Variants in LY86 observed in about 807,000 individuals in gnomAD.
The protein encoded by LY86 is MD-1, RP105-associated.
Under a neutral mutation model 17.3 loss-of-function variants are expected in LY86, and 20 were observed. The observed-to-expected ratio is 1.15, with a 90% CI of 0.81 to 1.68. The LOEUF is 1.68. Ranked by LOEUF, LY86 falls within the 40% of genes most tolerant of loss-of-function variation. The probability of loss-of-function intolerance (pLI) is 0.00; values close to 1 mark genes in which losing one functional copy is unlikely to be tolerated. For synonymous variants in LY86, 74 were observed against 70.6 expected (o/e 1.05, Z -0.24); for missense variants, 200 against 191.9 (o/e 1.04, Z -0.25).
chr6:6,629,139 G>A (rs1761855238), intron 3 of LY86, among the ~76,000 whole-genome samples: 1 of 152,186 alleles, frequency 6.6e-6, no homozygotes, highest in Non-Finnish European at 1.5e-5. Flanking sequence ...TATTGCAATG[G>A]GAGTGATGAC....
At chr6:6,612,363 A>T (rs140216933) in intron 1 of LY86, among the ~76,000 whole-genome samples, 1 of 152,338 alleles carries the variant, frequency 6.6e-6, no homozygotes, top group African/African-American at 2.4e-5. Flanking sequence ...TTAAGGTGAT[A>T]CATTTGGAGT....
intron 3 of LY86, among the ~76,000 whole-genome samples, chr6:6,628,099 C>G (rs1761827606): frequency 6.6e-6 from 1 of 151,972 alleles, no homozygotes; most frequent in Non-Finnish European, 1.5e-5. Context: ...TCTCAACTTA[C>G]TGGAGACATT....
chr6:6,648,621 G>C (rs1035182086), intron 3 of LY86, among the ~76,000 whole-genome samples: 3 of 152,148 alleles, frequency 2.0e-5, no homozygotes, highest in African/African-American at 7.2e-5. Flanking sequence ...TGTGGAACAT[G>C]GTGCCTCCCA....
intron 1 of LY86, among the ~76,000 whole-genome samples, chr6:6,616,923 T>C (rs1289114505): frequency 6.6e-6 from 1 of 152,202 alleles, no homozygotes; most frequent in Non-Finnish European, 1.5e-5. Flanking sequence ...TGTATCCTGG[T>C]TGTGTGAGTG....
At chr6:6,638,341 T>A (rs1281092280) in intron 3 of LY86, among the ~76,000 whole-genome samples, 1 of 152,274 alleles carries the variant, frequency 6.6e-6, no homozygotes, top group Non-Finnish European at 1.5e-5. Context: ...ACTTATTTCC[T>A]CTTCCTTTTT....
chr6:6,609,297 TAA>T (rs1316924007), intron 1 of LY86, among the ~76,000 whole-genome samples: 4 of 152,148 alleles, frequency 2.6e-5, no homozygotes, highest in Admixed American at 6.5e-5. Context: ...CTCATTGACA[TAA>T]GAGATGCAGA....
chr6:6,653,705 C>T (rs1226656914), intron 4 of LY86, among the ~76,000 whole-genome samples: 8 of 152,236 alleles, frequency 5.3e-5, no homozygotes, highest in African/African-American at 1.9e-4. Flanking sequence ...GGGGTCTTCT[C>T]TGTCTGAGCA....
Position 6,640,755 on chromosome 6 carries a change from G to T in LY86, c.353-8870G>T, listed in dbSNP as rs529092482. 4.6e-5 allele frequency among the ~76,000 whole-genome samples: 7 copies of T among 151,964 alleles called. No individual in the cohort carries two copies. The South Asian group carries it at 6.2e-4, about 14-fold the overall frequency. On this transcript the variant is annotated intron_variant, in intron 3 of 4. Coordinates refer to ENST00000230568, the MANE Select transcript of LY86 (RefSeq NM_004271.4). ...AAAAAAAAAAGAAAAAGAAAAGGAG[G>T]GTAGAGATGAGTATATCTCTGAATC...
chr6:6,648,103 C>G (rs10458190), intron 3 of LY86, among the ~76,000 whole-genome samples: 83,254 of 151,552 alleles, frequency 0.55, 22,984 homozygotes, highest in South Asian at 0.69. Context: ...ACTCTCTATA[C>G]CCACTCATCA....
chr6:6,590,028 G>A (rs1015220670), intron 1 of LY86, among the ~76,000 whole-genome samples: 2 of 145,282 alleles, frequency 1.4e-5, no homozygotes, highest in African/African-American at 5.0e-5. Flanking sequence ...GGCTGAGGCA[G>A]AATTGCTTGA....
chr6:6,624,985 A>G lies in LY86; in HGVS notation c.196A>G (p.Ile66Val), dbSNP rs1227228711. Reference sequence around the variant, plus strand: ...GTGTTCCAAGCAATTAAAATCAAATATCAACATTAGATTTGGAATTATTCT... The same window carrying G: ...GTGTTCCAAGCAATTAAAATCAAATGTCAACATTAGATTTGGAATTATTCT... ...EKCSKQLKSN[I>V]NIRFGIILRE... The change falls in exon 2 of 5, where the codon ATC becomes GTC. Residue 66 changes from isoleucine to valine, a missense_variant. Ile to Val is a conservative substitution (Grantham distance 29, BLOSUM62 3). Coordinates refer to ENST00000230568, the MANE Select transcript of LY86 (RefSeq NM_004271.4). 1.3e-6 allele frequency: 2 copies of G among 1,541,734 alleles called. No homozygotes were observed. Among genetic ancestry groups the G allele is most frequent in the East Asian group, 2.3e-5 (1 of 44,230 alleles).
intron 1 of LY86, among the ~76,000 whole-genome samples, chr6:6,606,471 G>C (rs547973219): frequency 6.6e-6 from 1 of 152,200 alleles, no homozygotes; most frequent in Admixed American, 6.5e-5. Flanking sequence ...CCGCGCACCC[G>C]CACTCCTCAG....
At chr6:6,616,537 A>T (rs1028536813) in intron 1 of LY86, among the ~76,000 whole-genome samples, 34 of 152,176 alleles carry the variant, frequency 2.2e-4, no homozygotes, top group African/African-American at 7.2e-4. Flanking sequence ...GAGAATCAAC[A>T]ATTCAAATTG....
intron 1 of LY86, among the ~76,000 whole-genome samples, chr6:6,611,972 G>T (rs1174532313): frequency 3.6e-5 from 4 of 111,034 alleles, no homozygotes; most frequent in Non-Finnish European, 7.4e-5. Context: ...TACTTGAAAG[G>T]ATATCTACCC....
At chr6:6,640,383 C>T (rs1762021938) in intron 3 of LY86, among the ~76,000 whole-genome samples, 2 of 151,258 alleles carry the variant, frequency 1.3e-5, no homozygotes, top group South Asian at 2.1e-4. Flanking sequence ...CATAGAGAAA[C>T]CCCATCTCTG....
At chr6:6,626,562 G>T in intron 3 of LY86, 141 bp downstream of exon 3, 1 of 872,382 alleles carries the variant, frequency 1.1e-6, no homozygotes, top group Non-Finnish European at 1.7e-6. Flanking sequence ...TTATCAGCAT[G>T]TGTTGCAGAA....
At chr6:6,650,463 T>C (rs1024864396) in intron 4 of LY86, among the ~76,000 whole-genome samples, 2 of 152,016 alleles carry the variant, frequency 1.3e-5, no homozygotes, top group Non-Finnish European at 2.9e-5. Context: ...GCCTCCCAAG[T>C]AGCTTGGACT....
chr6:6,590,118 T>TTA (rs1305444257), intron 1 of LY86, among the ~76,000 whole-genome samples: 2 of 80,576 alleles, frequency 2.5e-5, no homozygotes, highest in African/African-American at 1.0e-4. Flanking sequence ...AACTCTGTCT[T>TTA]AAAAAAAAAA....
intron 1 of LY86, among the ~76,000 whole-genome samples, chr6:6,613,199 G>T (rs1025003427): frequency 1.4e-4 from 21 of 151,890 alleles, no homozygotes; most frequent in Admixed American, 1.3e-3. Context: ...AGACTCAGGA[G>T]CCCAGCTGGC....
Sources: gnomAD v4.1 joint callset for allele counts (sites outside exome capture counted in the v4.1 genomes callset) on GRCh38, gnomAD v4.1.1 for gene constraint, MANE v1.5 for transcripts, NCBI Gene and HGNC (gene_info 2026-07-23, HGNC 2026-07-21) for gene names.